CEP350: variants seen among roughly 807,000 people sequenced by gnomAD.
CEP350 encodes the protein centrosomal protein 350, also known as centrosome-associated protein 350.
A neutral mutation model predicts 331.8 loss-of-function variants in CEP350; 126 were observed. The ratio of observed to expected loss-of-function variants is 0.38; its 90% confidence interval spans 0.33 to 0.44. CEP350 has a LOEUF of 0.44. CEP350 is among the 20% of genes least tolerant of loss of function. The pLI is 1.00. For synonymous variants in CEP350, 1,200 were observed against 1,259.5 expected, an observed-to-expected ratio of 0.95 and a Z score of 1.00; for missense variants, 3,406 against 3,634.6, an observed-to-expected ratio of 0.94 and a Z score of 1.62.
intron 27 of CEP350, among the ~76,000 whole-genome samples, chr1:180,074,111 G>T (rs1265550038): frequency 1.3e-5 from 2 of 151,956 alleles, no homozygotes; most frequent in African/African-American, 4.8e-5. Flanking sequence ...CTCTTCTTGT[G>T]CTTTTTAGTA....
intron 13 of CEP350, among the ~76,000 whole-genome samples, chr1:180,023,505 A>G (rs1005674306): frequency 1.1e-4 from 16 of 152,202 alleles, no homozygotes; most frequent in African/African-American, 2.9e-4. Context: ...TTTCTTTATA[A>G]TCAAGAAAAC....
At chr1:180,062,631 G>A (rs1291312730) in intron 26 of CEP350, among the ~76,000 whole-genome samples, 7 of 152,292 alleles carry the variant, frequency 4.6e-5, no homozygotes, top group Non-Finnish European at 7.4e-5. Context: ...CATCTGGTGA[G>A]GGCCTTCTTG....
In CEP350 at chr1:180,080,560, G is replaced by C; in HGVS notation, c.6023G>C (p.Ser2008Thr). The change falls in exon 30 of 38, where the codon AGC (serine) becomes ACC (threonine). Residue 2008 changes from serine (S) to threonine (T), a missense_variant. Around this residue, in one of 5 missense-constraint regions of CEP350, gnomAD observed 1,415 missense variants for 1,512.3 expected, o/e 0.94. Transcript: ENST00000367607. ...SCTSVSKQES[S>T]KGSHRTGGQC... ...ACATCTGTGTCAAAGCAGGAGTCTAGCAAAGGAAGTCATAGGACTGGAGGA... is the reference window on the plus strand; with the variant it reads ...ACATCTGTGTCAAAGCAGGAGTCTACCAAAGGAAGTCATAGGACTGGAGGA... The C allele has an allele frequency of 6.2e-7, 1 of 1,613,734 alleles. No homozygotes were observed. The highest frequency in any genetic ancestry group is 1.1e-5 in the South Asian group (1 of 91,082).
chr1:179,959,966 G>A (rs1650464930), intron 1 of CEP350, among the ~76,000 whole-genome samples: 1 of 152,054 alleles, frequency 6.6e-6, no homozygotes, highest in African/African-American at 2.4e-5. Context: ...TTGTCCATAA[G>A]TACTTGGAAA....
At position 180,048,529 on chromosome 1, in the gene CEP350, TAA is replaced by T; in HGVS notation, c.4623-3_4623-2del. 1 of 1,580,598 alleles carries T rather than the reference TAA, an allele frequency of 6.3e-7. No homozygotes were observed. Among genetic ancestry groups the T allele is most frequent in the Non-Finnish European group, 8.6e-7 (1 of 1,159,070 alleles). On this transcript the variant is annotated splice_polypyrimidine_tract_variant and splice_region_variant and intron_variant, in intron 21 of 37. Transcript: ENST00000367607. ...TGTTGTTGTTGTTTCCATGTATCCA[TAA>T]AAAGAAGTAGCAGTGGTAGCAGCCG...
chr1:179,980,269 T>C (rs1652176386), intron 1 of CEP350, among the ~76,000 whole-genome samples: 1 of 151,918 alleles, frequency 6.6e-6, no homozygotes, highest in South Asian at 2.1e-4. Context: ...AACTTATTCC[T>C]AGGCAGATTT....
At chr1:180,039,514 A>G (rs749813489) in intron 17 of CEP350, among the ~76,000 whole-genome samples, 11 of 152,196 alleles carry the variant, frequency 7.2e-5, no homozygotes, top group Non-Finnish European at 1.0e-4. Flanking sequence ...CAATTGTTCC[A>G]GCACCATTTT....
intron 1 of CEP350, among the ~76,000 whole-genome samples, chr1:179,973,150 A>C (rs967829423): frequency 1.3e-5 from 2 of 152,200 alleles, no homozygotes; most frequent in Admixed American, 1.3e-4. Context: ...TACAGGCGTG[A>C]GCCACCTCTC....
chr1:179,967,517 T>G (rs1651106644), intron 1 of CEP350, among the ~76,000 whole-genome samples: 1 of 152,186 alleles, frequency 6.6e-6, no homozygotes, highest in African/African-American at 2.4e-5. Context: ...GTTCAAGCAG[T>G]TCTCCTGTCT....
At chr1:180,079,433 C>G (rs553745544) in intron 29 of CEP350, among the ~76,000 whole-genome samples, 20 of 151,922 alleles carry the variant, frequency 1.3e-4, no homozygotes, top group Admixed American at 5.2e-4. Context: ...AAAAGTCAAT[C>G]AGGTTCATTT....
At chr1:180,022,315 A>C (rs1052597200) in intron 12 of CEP350, among the ~76,000 whole-genome samples, 6 of 152,318 alleles carry the variant, frequency 3.9e-5, no homozygotes, top group Non-Finnish European at 7.4e-5. Context: ...AAGATTTTAT[A>C]GTTAAACTGA....
intron 6 of CEP350, among the ~76,000 whole-genome samples, chr1:179,998,250 A>C (rs1281764286): frequency 6.8e-6 from 1 of 146,592 alleles, no homozygotes; most frequent in African/African-American, 2.6e-5. Flanking sequence ...TAGTTTTTGT[A>C]TACATGCTTA....
At chr1:179,995,699 A>G (rs1180112622) in intron 5 of CEP350, among the ~76,000 whole-genome samples, 2 of 152,234 alleles carry the variant, frequency 1.3e-5, no homozygotes, top group Non-Finnish European at 2.9e-5. Context: ...TAGTGTTTCT[A>G]TGAGCAGAGA....
intron 10 of CEP350, among the ~76,000 whole-genome samples, chr1:180,015,127 G>A (rs1402992262): frequency 6.6e-6 from 1 of 152,008 alleles, no homozygotes; most frequent in Non-Finnish European, 1.5e-5. Context: ...AAGAGTTGGT[G>A]TTGCTGTCTC....
At chr1:180,035,979 A>G (rs956978689) in intron 16 of CEP350, among the ~76,000 whole-genome samples, 1 of 152,220 alleles carries the variant, frequency 6.6e-6, no homozygotes, top group East Asian at 1.9e-4. Context: ...TCTAGATGCC[A>G]TTAAGAACAG....
intron 24 of CEP350, 93 bp from the exon 25 acceptor site, chr1:180,054,322 T>G: frequency 3.9e-6 from 4 of 1,030,294 alleles, no homozygotes; most frequent in Non-Finnish European, 5.9e-6. Context: ...TTAAATTGGT[T>G]TGTAGACTTT....
chr1:180,041,214 G>A lies in CEP350; in HGVS notation c.4187G>A (p.Arg1396Lys), dbSNP rs201107631. ...KAEQEALESQ[R>K]QLEETRNKAA... is the part of the protein sequence containing the mutation. The stretch of plus-strand genomic sequence containing the variant: ...GAACAAGAGGCTCTGGAGAGTCAGA[G>A]ACAATTAGAAGAAACCCGAAACAAA... Residue 1396 changes from arginine to lysine, a missense_variant, in exon 18 of 38, where the codon AGA becomes AAA. By Grantham distance (26) the Arg-to-Lys change is conservative (BLOSUM62 2). Transcript: ENST00000367607. 4.2e-4 allele frequency: 677 copies of A among 1,595,720 alleles called. 1 individual carries two copies. The highest frequency in any genetic ancestry group is 5.3e-4 in the Non-Finnish European group (617 of 1,171,032).
intron 4 of CEP350, among the ~76,000 whole-genome samples, chr1:179,991,739 C>G (rs1266013291): frequency 3.5e-5 from 4 of 114,632 alleles, no homozygotes; most frequent in Non-Finnish European, 7.0e-5. Flanking sequence ...TTTTTTTTAA[C>G]CTGGGAGTTT....
At chr1:180,007,367 T>C (rs1006505903) in intron 8 of CEP350, among the ~76,000 whole-genome samples, 1 of 152,216 alleles carries the variant, frequency 6.6e-6, no homozygotes, top group African/African-American at 2.4e-5. Context: ...CCAGTGATGA[T>C]GGGTTTTTTT....
Sources: allele counts gnomAD v4.1 joint callset (sites outside exome capture counted in the v4.1 genomes callset), GRCh38; gene constraint gnomAD v4.1.1; regional missense constraint gnomAD v4.1.1; transcripts MANE v1.5; gene names NCBI Gene and HGNC (gene_info 2026-07-23, HGNC 2026-07-21).